Variants in DENND2B observed in about 807,000 individuals in gnomAD.
DENND2B encodes DENN domain-containing protein 2B.
DENND2B carries 32 observed loss-of-function variants against 116.0 expected under a neutral mutation model. The ratio of observed to expected loss-of-function variants is 0.28; its 90% confidence interval spans 0.21 to 0.37. DENND2B has a LOEUF of 0.37. DENND2B is among the 10% of genes least tolerant of loss of function. The pLI is 1.00. For synonymous variants in DENND2B, 588 were observed against 583.9 expected (o/e 1.01, Z -0.10); for missense variants, 1,276 against 1,477.7 (o/e 0.86, Z 2.24).
At chr11:8,789,603 G>A (rs960582035) in intron 1 of DENND2B, among the ~76,000 whole-genome samples, 9 of 152,048 alleles carry the variant, frequency 5.9e-5, no homozygotes, top group African/African-American at 2.2e-4. Flanking sequence ...CAGGTCTCTA[G>A]ATCTAAGTTA....
intron 1 of DENND2B, chr11:8,772,014 G>T (rs554547959): frequency 6.8e-4 from 104 of 151,890 alleles, no homozygotes; most frequent in African/African-American, 1.2e-3. Flanking sequence ...ATGGCATGCC[G>T]ACATAGTGAA....
chr11:8,709,252 C>T (rs2043173628), intron 11 of DENND2B, among the ~76,000 whole-genome samples: 1 of 152,222 alleles, frequency 6.6e-6, no homozygotes, highest in Non-Finnish European at 1.5e-5. Context: ...CTGTCTCTTT[C>T]CCTCTCCCCC....
At chr11:8,847,670 T>C (rs1418872350) in intron 3 of DENND2B, among the ~76,000 whole-genome samples, 1 of 152,226 alleles carries the variant, frequency 6.6e-6, no homozygotes, top group Non-Finnish European at 1.5e-5. Context: ...ATGGCTGATA[T>C]TGATTCTCAA....
chr11:8,797,485 CTCT>C (rs1371157630), intron 1 of DENND2B, among the ~76,000 whole-genome samples: 1 of 136,882 alleles, frequency 7.3e-6, no homozygotes, highest in Non-Finnish European at 1.6e-5. Context: ...CCCTTCTTCC[CTCT>C]TCTTTCTTCC....
intron 1 of DENND2B, among the ~76,000 whole-genome samples, chr11:8,889,440 C>T (rs1216239574): frequency 2.6e-5 from 4 of 152,184 alleles, no homozygotes; most frequent in South Asian, 2.1e-4. Flanking sequence ...CAAAGCAGGG[C>T]GAGGCATCGC....
At chr11:8,771,075 C>T (rs4929936) in intron 1 of DENND2B, among the ~76,000 whole-genome samples, 40,465 of 152,130 alleles carry the variant, frequency 0.27, 6,044 homozygotes, top group Middle Eastern at 0.42. Flanking sequence ...ATTTCACAAG[C>T]ACCTACCCTT....
chr11:8,701,081 C>G (rs1026601450), intron 14 of DENND2B, among the ~76,000 whole-genome samples: 1 of 152,062 alleles, frequency 6.6e-6, no homozygotes, highest in Non-Finnish European at 1.5e-5. Flanking sequence ...GCCACTGTAC[C>G]TCATTTCCTT....
At chr11:8,823,142 A>G (rs989549965) in intron 4 of DENND2B, among the ~76,000 whole-genome samples, 1 of 152,114 alleles carries the variant, frequency 6.6e-6, no homozygotes, top group African/African-American at 2.4e-5. Flanking sequence ...CACAATATAT[A>G]TTTGTATATA....
chr11:8,716,807 C>G (rs1272931692), intron 5 of DENND2B, among the ~76,000 whole-genome samples: 1 of 152,182 alleles, frequency 6.6e-6, no homozygotes, highest in Non-Finnish European at 1.5e-5. Context: ...GCCATCATGC[C>G]CAGCTAATGT....
intron 1 of DENND2B, among the ~76,000 whole-genome samples, chr11:8,893,129 A>G (rs1412922425): frequency 6.6e-6 from 1 of 152,246 alleles, no homozygotes; most frequent in Non-Finnish European, 1.5e-5. Flanking sequence ...GCATATAAAC[A>G]GAACCAAAGA....
At chr11:8,882,541 G>A (rs1053644617) in intron 1 of DENND2B, among the ~76,000 whole-genome samples, 1 of 152,158 alleles carries the variant, frequency 6.6e-6, no homozygotes, top group African/African-American at 2.4e-5. Context: ...ATAAATAGCT[G>A]TTGAATTACA....
In DENND2B at chr11:8,699,367, G is replaced by A. The variant is rs1483393269; in HGVS notation, c.2744C>T (p.Ala915Val). 1.2e-6 allele frequency: 2 copies of A among 1,605,030 alleles called. No homozygotes were observed. ...KLSTLSSCSHAVVALLYPFSW... is the reference protein window; with the variant it reads ...KLSTLSSCSHVVVALLYPFSW... Reference sequence around the variant, plus strand: ...GAAGGGGTAGAGCAAGGCCACCACCGCGTGGGAGCAGCTGGAGAGGGTACT... The same window carrying A: ...GAAGGGGTAGAGCAAGGCCACCACCACGTGGGAGCAGCTGGAGAGGGTACT... Residue 915 changes from alanine (A) to valine (V), a missense_variant, in exon 15 of 20, where the codon GCG becomes GTG. Physicochemically the swap from Ala to Val is moderately conservative, Grantham distance 64. Coordinates refer to ENST00000313726, the MANE Select transcript of DENND2B (RefSeq NM_213618.2).
chr11:8,743,580 A>G (rs1000112741), intron 2 of DENND2B, among the ~76,000 whole-genome samples: 10 of 151,946 alleles, frequency 6.6e-5, no homozygotes, highest in African/African-American at 2.4e-4. Flanking sequence ...TAAATTACTT[A>G]AAGTGTTGCC....
intron 1 of DENND2B, among the ~76,000 whole-genome samples, chr11:8,779,165 G>A (rs1163910835): frequency 6.6e-6 from 1 of 152,206 alleles, no homozygotes; most frequent in Non-Finnish European, 1.5e-5. Context: ...GTGGTGGAGG[G>A]GACAGAGCAG....
At chr11:8,863,133 T>G (rs1009680562) in intron 2 of DENND2B, among the ~76,000 whole-genome samples, 1 of 151,610 alleles carries the variant, frequency 6.6e-6, no homozygotes, top group South Asian at 2.1e-4. Context: ...CTGGGCAACA[T>G]AGGGGGACCC....
chr11:8,870,341 A>G (rs949922228), intron 2 of DENND2B, among the ~76,000 whole-genome samples: 1 of 152,238 alleles, frequency 6.6e-6, no homozygotes. Context: ...ATAACGTGCC[A>G]TAAACGTTGA....
chr11:8,891,967 C>T (rs903712976), intron 1 of DENND2B, among the ~76,000 whole-genome samples: 1 of 152,150 alleles, frequency 6.6e-6, no homozygotes, highest in Non-Finnish European at 1.5e-5. Flanking sequence ...CGCACTTATT[C>T]GAAAATTGAC....
At chr11:8,706,145 T>G (rs1357328366) in intron 13 of DENND2B, among the ~76,000 whole-genome samples, 2 of 152,076 alleles carry the variant, frequency 1.3e-5, no homozygotes, top group Non-Finnish European at 2.9e-5. Flanking sequence ...CTCAGGAGGC[T>G]GAAGCGGGAG....
intron 4 of DENND2B, among the ~76,000 whole-genome samples, chr11:8,723,642 G>A (rs886263821): frequency 6.6e-6 from 1 of 152,174 alleles, no homozygotes; most frequent in Admixed American, 6.5e-5. Context: ...TGGGGTATGG[G>A]CTGCAGTTGG....
Sources: gnomAD v4.1 joint callset for allele counts (sites outside exome capture counted in the v4.1 genomes callset) on GRCh38, gnomAD v4.1.1 for gene constraint, MANE v1.5 for transcripts, NCBI Gene and HGNC (gene_info 2026-07-23, HGNC 2026-07-21) for gene names.